Variants in SCX observed in about 807,000 individuals in gnomAD.
SCX encodes basic helix-loop-helix transcription factor scleraxis.
SCX carries 7 observed loss-of-function variants against 12.2 expected under a neutral mutation model. The ratio of observed to expected loss-of-function variants is 0.57; its 90% CI spans 0.33 to 1.08. The LOEUF (loss-of-function observed/expected upper bound fraction) is 1.08, where lower values mean the gene tolerates loss of function less well. Among genes scored for constraint, SCX ranks in the 50% least tolerant of loss-of-function variants. SCX has a pLI of 0.04. For synonymous variants in SCX, 193 were observed against 163.9 expected (o/e 1.18, Z -1.36); for missense variants, 342 against 337.2 (o/e 1.01, Z -0.11).
rs1487877499 is a variant in SCX, at chr8:144,268,375, C to T, written c.*233C>T. 2.3e-5 allele frequency: 14 copies of T among 598,678 alleles called. No homozygotes were observed. The highest frequency in any genetic ancestry group is 1.4e-4 in the East Asian group (5 of 35,340). The allele number at this position is 598,678 out of a possible 1,614,324, so 37.1% of individuals were successfully genotyped here. A position where few individuals can be genotyped will look rare whatever the true frequency, so the allele number is the denominator to read the frequency against. On this transcript the variant is annotated 3_prime_UTR_variant, in exon 2 of 2. Transcript: ENST00000567180. Reference sequence around the variant, plus strand: ...TGCCCGGGCCCACTGGAACTTTCTGCGCTGGCTTTTCTTCCGGCCACTGTG... The same window carrying T: ...TGCCCGGGCCCACTGGAACTTTCTGTGCTGGCTTTTCTTCCGGCCACTGTG...
chr8:144,267,450 C>A (rs1174374811), intron 1 of SCX, among the ~76,000 whole-genome samples: 1 of 152,236 alleles, frequency 6.6e-6, no homozygotes, highest in East Asian at 1.9e-4. Flanking sequence ...AGGGGCCCAC[C>A]CAGGGCGGGG....
At position 144,266,791 on chromosome 8, in the gene SCX, C is replaced by G. The variant is rs1331284979; in HGVS notation, c.178C>G (p.Arg60Gly). 1.8e-6 allele frequency: 2 copies of G among 1,106,028 alleles called. No individual in the cohort carries two copies. Among genetic ancestry groups the G allele is most frequent in the Non-Finnish European group, 1.1e-6 (1 of 908,210 alleles). 68.5% of individuals were successfully genotyped at this position (1,106,028 alleles called of 1,614,324 possible). The change falls in exon 1 of 2, where the codon CGG (arginine) becomes GGG (glycine). Residue 60 changes from arginine (R) to glycine (G), a missense_variant. By Grantham distance (125) the Arg-to-Gly change is moderately radical (BLOSUM62 -2). This residue lies in a region of SCX where 139 missense variants were observed against 107.8 expected (regional missense o/e 1.29). Transcript: ENST00000567180. ...CGCCCGGCGGAGGGCGGGGGGCCGG[C>G]GGGCCGGGGGCGGGGGGCCAGGGGG... Reference protein sequence around the residue: ...QGARRRAGGRRAGGGGPGGRP... With the variant: ...QGARRRAGGRGAGGGGPGGRP...
chr8:144,266,561 G>C lies in SCX; in HGVS notation c.-53G>C. The stretch of plus-strand genomic sequence containing the variant: ...CCCGCGAGGCCCGCGGCGGCCGCAG[G>C]AGGCGGCATGAGCAGCGCGCGACAG... On this transcript the variant is annotated 5_prime_UTR_variant, in exon 1 of 2. Transcript: ENST00000567180. 2.0e-6 allele frequency: 2 copies of C among 1,004,908 alleles called. No individual in the cohort carries two copies. The highest frequency in any genetic ancestry group is 2.4e-6 in the Non-Finnish European group (2 of 844,308). 62.2% of individuals were successfully genotyped at this position (1,004,908 alleles called of 1,614,324 possible). A position where few individuals can be genotyped will look rare whatever the true frequency, so the allele number is the denominator to read the frequency against.
chr8:144,266,975 C>T lies in SCX; in HGVS notation c.362C>T (p.Ser121Phe). The change falls in exon 1 of 2, where the codon TCC (serine) becomes TTC (phenylalanine). Residue 121 changes from serine to phenylalanine, a missense_variant. Around this residue, in one of 3 missense-constraint regions of SCX, gnomAD observed 161 missense variants for 155.7 expected, o/e 1.03. Transcript: ENST00000567180. ...LSKIETLRLA[S>F]SYISHLGNVL... ...AAGATTGAGACGCTGCGCCTGGCCTCCAGCTACATCTCGCACCTGGGCAAC... is the reference window on the plus strand; with the variant it reads ...AAGATTGAGACGCTGCGCCTGGCCTTCAGCTACATCTCGCACCTGGGCAAC... The T allele has an allele frequency of 6.4e-7, 1 of 1,554,598 alleles. No individual in the cohort carries two copies. The highest frequency in any genetic ancestry group is 2.0e-4 in the Middle Eastern group (1 of 4,968).
rs1481844407 is a variant in SCX, at chr8:144,266,503, C to T, written c.-111C>T. The T allele has an allele frequency of 3.3e-4, 329 of 987,456 alleles. No homozygotes were observed. Among genetic ancestry groups the T allele is most frequent in the Middle Eastern group, 2.1e-3 (4 of 1,928 alleles). 61.2% of individuals were successfully genotyped at this position (987,456 alleles called of 1,614,324 possible). A position where few individuals can be genotyped will look rare whatever the true frequency, so the allele number is the denominator to read the frequency against. ...ACGCCCGGCAGCTGCCACCGCGGGG[C>T]GCAGCCGAGACCCCGCGCCTCGCCC... On this transcript the variant is annotated 5_prime_UTR_variant, in exon 1 of 2. Transcript: ENST00000567180.
rs1280912219 is a variant in SCX, at chr8:144,266,769, C to T, written c.156C>T (p.Ala52=). 3 of 1,073,216 alleles carry T rather than the reference C, an allele frequency of 2.8e-6. No homozygotes were observed. The highest frequency in any genetic ancestry group is 3.4e-6 in the Non-Finnish European group (3 of 887,602). The allele number at this position is 1,073,216 out of a possible 1,614,324, so 66.5% of individuals were successfully genotyped here. ...CGGCGCGCTGCGGCCTCCAGGGCGC[C>T]CGGCGGAGGGCGGGGGGCCGGCGGG... is the stretch of plus-strand genomic sequence containing the variant. ...VHAARCGLQG[A]RRRAGGRRAG... is the part of the protein sequence containing the mutation. The change falls in exon 1 of 2, where the codon GCC becomes GCT. Residue 52 remains alanine, a synonymous_variant. Coordinates refer to ENST00000567180, the MANE Select transcript of SCX (RefSeq NM_001080514.3).
chr8:144,268,037 A>G, intron 1 of SCX, 67 bp from the exon 2 acceptor site: 1 of 1,546,190 alleles, frequency 6.5e-7, no homozygotes, highest in South Asian at 1.2e-5. Context: ...CCCAGCAGGG[A>G]GGCCAGAGAG....
At position 144,267,193 on chromosome 8, in the gene SCX, C is replaced by G; in HGVS notation, c.567+13C>G. 1 of 1,506,272 alleles carries G rather than the reference C, an allele frequency of 6.6e-7. No individual in the cohort carries two copies. Among genetic ancestry groups the G allele is most frequent in the Non-Finnish European group, 8.8e-7 (1 of 1,139,690 alleles). 93.3% of individuals were successfully genotyped at this position (1,506,272 alleles called of 1,614,324 possible). A position where few individuals can be genotyped will look rare whatever the true frequency, so the allele number is the denominator to read the frequency against. On this transcript the variant is annotated intron_variant, in intron 1 of 1. Coordinates refer to ENST00000567180, the MANE Select transcript of SCX (RefSeq NM_001080514.3). The stretch of plus-strand genomic sequence containing the variant: ...CCAGAGAAAGTTGGTGAGCACGGGC[C>G]GTGGGGCGCCGAGGGGGGCCTCCAA...
Position 144,266,604 on chromosome 8 carries a change from C to A in SCX, c.-10C>A. 1 of 1,139,196 alleles carries A rather than the reference C, an allele frequency of 8.8e-7. No individual in the cohort carries two copies. Among genetic ancestry groups the A allele is most frequent in the Non-Finnish European group, 1.1e-6 (1 of 918,424 alleles). 70.6% of individuals were successfully genotyped at this position (1,139,196 alleles called of 1,614,324 possible). On this transcript the variant is annotated 5_prime_UTR_variant, in exon 1 of 2. Coordinates refer to ENST00000567180, the MANE Select transcript of SCX (RefSeq NM_001080514.3). ...CGCGACAGAGCTGACGCCGCGCCCC[C>A]GCCGGCCCCATGTCCTTCGCCACGC... is the stretch of plus-strand genomic sequence containing the variant.
rs1264412019 is a variant in SCX, at chr8:144,268,164, G to C, written c.*22G>C. 6.4e-7 allele frequency: 1 copy of C among 1,550,472 alleles called. No individual in the cohort carries two copies. Among genetic ancestry groups the C allele is most frequent in the Non-Finnish European group, 8.7e-7 (1 of 1,147,046 alleles). On this transcript the variant is annotated 3_prime_UTR_variant, in exon 2 of 2. Coordinates refer to ENST00000567180, the MANE Select transcript of SCX (RefSeq NM_001080514.3). ...TTAGGAGGTGGCCGGCAGCAGCCAG[G>C]AGGCAGACGCTGCTGGGGGAGGTGG...
At position 144,267,085 on chromosome 8, in the gene SCX, C is replaced by A; in HGVS notation, c.472C>A (p.Pro158Thr). ...CTTCCACGCGGCGCGCGCCGGCAGC[C>A]CCCCGCCGCCGCCCCCGCCGCCTCC... ...AFFHAARAGS[P>T]PPPPPPPPAR... is the part of the protein sequence containing the mutation. The change falls in exon 1 of 2, where the codon CCC becomes ACC. Residue 158 changes from proline to threonine, a missense_variant. Physicochemically the swap from Pro to Thr is conservative, Grantham distance 38. Coordinates refer to ENST00000567180, the MANE Select transcript of SCX (RefSeq NM_001080514.3). The A allele has an allele frequency of 7.3e-7, 1 of 1,373,664 alleles. No homozygotes were observed. The highest frequency in any genetic ancestry group is 3.2e-5 in the East Asian group (1 of 31,530). The allele number at this position is 1,373,664 out of a possible 1,614,324, so 85.1% of individuals were successfully genotyped here. A position where few individuals can be genotyped will look rare whatever the true frequency, so the allele number is the denominator to read the frequency against.
Position 144,267,042 on chromosome 8 carries a change from C to T in SCX, c.429C>T (p.Cys143=). 4.0e-6 allele frequency: 6 copies of T among 1,509,474 alleles called. No individual in the cohort carries two copies. Among genetic ancestry groups the T allele is most frequent in the South Asian group, 2.4e-5 (2 of 83,712 alleles). 93.5% of individuals were successfully genotyped at this position (1,509,474 alleles called of 1,614,324 possible). A position where few individuals can be genotyped will look rare whatever the true frequency, so the allele number is the denominator to read the frequency against. ...AGEACGDGQP[C]HSGPAFFHAA... ...AGGCCTGCGGCGACGGACAGCCCTG[C>T]CACTCCGGGCCCGCCTTCTTCCACG... is the stretch of plus-strand genomic sequence containing the variant. Residue 143 remains cysteine, a synonymous_variant, in exon 1 of 2, where the codon TGC becomes TGT. Coordinates refer to ENST00000567180, the MANE Select transcript of SCX (RefSeq NM_001080514.3).
At position 144,268,120 on chromosome 8, in the gene SCX, G is replaced by C. The variant is rs1321373833; in HGVS notation, c.584G>C (p.Arg195Thr). 9.0e-6 allele frequency: 14 copies of C among 1,551,648 alleles called. No homozygotes were observed. Among genetic ancestry groups the C allele is most frequent in the South Asian group, 1.2e-5 (1 of 84,086 alleles). Reference sequence around the variant, plus strand: ...CCTCTGCAGAGCAAGGACCGCGACAGAAAGACAGCGATTCGCAGTTAGGAG... The same window carrying C: ...CCTCTGCAGAGCAAGGACCGCGACACAAAGACAGCGATTCGCAGTTAGGAG... ...NQRKLSKDRD[R>T]KTAIRS Residue 195 changes from arginine (R) to threonine (T), a missense_variant, in exon 2 of 2, where the codon AGA becomes ACA. Transcript: ENST00000567180.
intron 1 of SCX, 75 bp downstream of exon 1, chr8:144,267,255 C>T (rs1381402701): frequency 2.8e-6 from 4 of 1,420,396 alleles, no homozygotes; most frequent in African/African-American, 1.5e-5. Context: ...GCAGAGGAGG[C>T]GAGGCCACAC....
intron 1 of SCX, among the ~76,000 whole-genome samples, chr8:144,267,603 A>G (rs1224156733): frequency 6.6e-6 from 1 of 152,232 alleles, no homozygotes; most frequent in East Asian, 1.9e-4. Flanking sequence ...GCGGCCCAGC[A>G]CTGGCTTAAG....
At position 144,267,218 on chromosome 8, in the gene SCX, A is replaced by C. The variant is rs2130211714; in HGVS notation, c.567+38A>C. The C allele has an allele frequency of 2.7e-6, 4 of 1,485,190 alleles. No individual in the cohort carries two copies. The South Asian group carries it at 5.2e-5, about 19-fold the overall frequency. The allele number at this position is 1,485,190 out of a possible 1,614,324, so 92.0% of individuals were successfully genotyped here. A position where few individuals can be genotyped will look rare whatever the true frequency, so the allele number is the denominator to read the frequency against. On this transcript the variant is annotated intron_variant, in intron 1 of 1. Transcript: ENST00000567180. ...CGTGGGGCGCCGAGGGGGGCCTCCA[A>C]CGCGCCCCTCAGCCCACACCTGCCA...
intron 1 of SCX, 77 bp from the exon 2 acceptor site, chr8:144,268,027 C>T (rs1437545265): frequency 6.5e-7 from 1 of 1,544,548 alleles, no homozygotes; most frequent in African/African-American, 1.4e-5. Context: ...TGAGATGGCA[C>T]CCAGCAGGGA....
Position 144,266,569 on chromosome 8 carries a change from A to T in SCX, c.-45A>T. On this transcript the variant is annotated 5_prime_UTR_variant, in exon 1 of 2. An upstream start codon of the reference 5' UTR is lost. Coordinates refer to ENST00000567180, the MANE Select transcript of SCX (RefSeq NM_001080514.3). ...GCCCGCGGCGGCCGCAGGAGGCGGC[A>T]TGAGCAGCGCGCGACAGAGCTGACG... The T allele has an allele frequency of 9.9e-7, 1 of 1,012,816 alleles. No individual in the cohort carries two copies. The highest frequency in any genetic ancestry group is 1.2e-6 in the Non-Finnish European group (1 of 849,612). The allele number at this position is 1,012,816 out of a possible 1,614,324, so 62.7% of individuals were successfully genotyped here.
In SCX at chr8:144,267,169, C is replaced by A. The variant is rs1845392486; in HGVS notation, c.556C>A (p.Gln186Lys). The change falls in exon 1 of 2, where the codon CAG becomes AAG. Residue 186 changes from glutamine to lysine, a missense_variant. By Grantham distance (53) the Gln-to-Lys change is moderately conservative. Around this residue, in one of 3 missense-constraint regions of SCX, gnomAD observed 161 missense variants for 155.7 expected, o/e 1.03. Coordinates refer to ENST00000567180, the MANE Select transcript of SCX (RefSeq NM_001080514.3). ...KQICTFCLSNQRKLSKDRDRK... is the reference protein window; with the variant it reads ...KQICTFCLSNKRKLSKDRDRK... Reference sequence around the variant, plus strand: ...GATCTGCACCTTCTGCCTCAGCAACCAGAGAAAGTTGGTGAGCACGGGCCG... The same window carrying A: ...GATCTGCACCTTCTGCCTCAGCAACAAGAGAAAGTTGGTGAGCACGGGCCG... The A allele has an allele frequency of 3.9e-6, 6 of 1,531,324 alleles. No homozygotes were observed. Among genetic ancestry groups the A allele is most frequent in the Middle Eastern group, 3.7e-4 (2 of 5,464 alleles). The allele number at this position is 1,531,324 out of a possible 1,614,324, so 94.9% of individuals were successfully genotyped here. A position where few individuals can be genotyped will look rare whatever the true frequency, so the allele number is the denominator to read the frequency against.
Sources: gnomAD v4.1 joint callset for allele counts (sites outside exome capture counted in the v4.1 genomes callset) on GRCh38, gnomAD v4.1.1 for gene constraint, gnomAD v4.1.1 regional missense constraint, MANE v1.5 for transcripts, NCBI Gene and HGNC (gene_info 2026-07-23, HGNC 2026-07-21) for gene names.